The following FGF18 variants were observed in gnomAD, a reference collection of about 807,000 sequenced individuals.
FGF18 encodes the protein fibroblast growth factor 18.
Under a neutral mutation model 23.0 loss-of-function variants are expected in FGF18, and 5 were observed. The ratio of observed to expected loss-of-function variants is 0.22; its 90% CI spans 0.11 to 0.46. The LOEUF (loss-of-function observed/expected upper bound fraction) is 0.46. Among genes scored for constraint, FGF18 ranks in the 20% least tolerant of loss-of-function variants. FGF18 has a pLI of 0.99. For synonymous variants in FGF18, 117 were observed against 118.9 expected, an observed-to-expected ratio of 0.98 and a Z score of 0.10; for missense variants, 180 against 291.6, an observed-to-expected ratio of 0.62 and a Z score of 2.79.
intron 2 of FGF18, among the ~76,000 whole-genome samples, chr5:171,421,246 TG>T (rs1772002176): frequency 7.5e-6 from 1 of 133,786 alleles, no homozygotes; most frequent in South Asian, 2.4e-4. Context: ...GAAAAAGGGT[TG>T]GGGGGAGGGA....
At chr5:171,430,776 C>T (rs1352010428) in intron 2 of FGF18, among the ~76,000 whole-genome samples, 4 of 106,602 alleles carry the variant, frequency 3.8e-5, no homozygotes, top group Non-Finnish European at 6.7e-5. Context: ...GCCTGGGCGA[C>T]AGAGCAAGAC....
chr5:171,454,767 C>T (rs978640558), intron 4 of FGF18, among the ~76,000 whole-genome samples: 4 of 152,244 alleles, frequency 2.6e-5, no homozygotes, highest in Non-Finnish European at 5.9e-5. Context: ...GCTGGGCATC[C>T]GTCCGTAACG....
intron 2 of FGF18, among the ~76,000 whole-genome samples, chr5:171,423,849 A>G (rs1359347049): frequency 2.0e-5 from 3 of 147,650 alleles, no homozygotes; most frequent in East Asian, 4.0e-4. Flanking sequence ...GCTAACTGCA[A>G]CCTCTGTCTC....
rs1772577652 is a variant in FGF18 at position 171,456,213 on chromosome 5, G to A, written c.358-326G>A. Among the ~76,000 whole-genome samples, 1 of 152,086 alleles carries A rather than the reference G, an allele frequency of 6.6e-6. No homozygotes were observed. On this transcript the variant is annotated intron_variant, in intron 4 of 4. Transcript: ENST00000274625. The surrounding 1 kb of genome is among the most constrained non-coding windows in gnomAD (Gnocchi z 6.1). ...TCCCCCACTCTTGATATATGATCAG[G>A]GTCCTCATCCTCCTCCATCCCTCAG... is the stretch of plus-strand genomic sequence containing the variant.
At chr5:171,423,169 C>G (rs913133477) in intron 2 of FGF18, among the ~76,000 whole-genome samples, 2 of 152,198 alleles carry the variant, frequency 1.3e-5, no homozygotes, top group African/African-American at 4.8e-5. Context: ...GTGCCAGACA[C>G]TGTCCTGCCC....
chr5:171,437,702 A>C (rs896813996), intron 3 of FGF18, among the ~76,000 whole-genome samples: 61 of 151,980 alleles, frequency 4.0e-4, no homozygotes, highest in Non-Finnish European at 6.5e-4. Flanking sequence ...TGGCTGTGCT[A>C]GGCTGACCCA....
chr5:171,448,025 C>T (rs1340053592), intron 3 of FGF18, among the ~76,000 whole-genome samples: 1 of 152,154 alleles, frequency 6.6e-6, no homozygotes, highest in Non-Finnish European at 1.5e-5. Flanking sequence ...GTGGCCTACC[C>T]AAAGTCACGC....
At position 171,420,238 on chromosome 5, in the gene FGF18, G is replaced by A; in HGVS notation, c.32+7G>A. On this transcript the variant is annotated splice_region_variant and intron_variant, in intron 1 of 4. Transcript: ENST00000274625. ...CCTCCGCCTGCACTTGCCTGTAAGC[G>A]CCCGCGCGCGGGGCTGCCCACCTTG... 3 of 1,578,476 alleles carry A rather than the reference G, an allele frequency of 1.9e-6. No individual in the cohort carries two copies. The highest frequency in any genetic ancestry group is 1.1e-5 in the South Asian group (1 of 87,586).
rs1449175443 is a variant in FGF18 at position 171,449,689 on chromosome 5, C to T, written c.357+436C>T. On this transcript the variant is annotated intron_variant, in intron 4 of 4. Transcript: ENST00000274625. ...CGATCGTTTTAACAATTGCCAGGGG[C>T]TTACCGTCCTGCAGCAGTGACCTCT... is the stretch of plus-strand genomic sequence containing the variant. Among the ~76,000 whole-genome samples, 3 of 152,186 alleles carry T rather than the reference C, an allele frequency of 2.0e-5. No homozygotes were observed. The East Asian group carries it at 5.8e-4, about 29-fold the overall frequency.
intron 4 of FGF18, among the ~76,000 whole-genome samples, chr5:171,454,092 G>C (rs1232199326): frequency 6.6e-6 from 1 of 152,148 alleles, no homozygotes; most frequent in Non-Finnish European, 1.5e-5. Context: ...GGCATGGGGA[G>C]GAGAAATGGG....
Position 171,420,166 on chromosome 5 carries a change from G to T in FGF18, c.-34G>T, listed in dbSNP as rs1041578952. On this transcript the variant is annotated 5_prime_UTR_variant, in exon 1 of 5. Coordinates refer to ENST00000274625, the MANE Select transcript of FGF18 (RefSeq NM_003862.3). ...CGCGCGGAGCGGACATGTGCAGGCT[G>T]GGCTAGGAGCCGCCGCCTCCCTCCC... 2.9e-5 allele frequency: 45 copies of T among 1,532,700 alleles called. No homozygotes were observed. Among genetic ancestry groups the T allele is most frequent in the Non-Finnish European group, 3.8e-5 (43 of 1,144,692 alleles). The allele number at this position is 1,532,700 out of a possible 1,614,324, so 94.9% of individuals were successfully genotyped here. A position where few individuals can be genotyped will look rare whatever the true frequency, so the allele number is the denominator to read the frequency against.
At chr5:171,447,546 T>C (rs1387772824) in intron 3 of FGF18, among the ~76,000 whole-genome samples, 1 of 152,260 alleles carries the variant, frequency 6.6e-6, no homozygotes, top group African/African-American at 2.4e-5. Flanking sequence ...TAAATTCTTG[T>C]TAGATCTTTA....
intron 2 of FGF18, among the ~76,000 whole-genome samples, chr5:171,432,840 C>G (rs1772200714): frequency 6.6e-6 from 1 of 152,214 alleles, no homozygotes; most frequent in African/African-American, 2.4e-5. Flanking sequence ...CCAGATTTCC[C>G]TCACTTTTGG....
intron 2 of FGF18, among the ~76,000 whole-genome samples, chr5:171,430,704 C>T (rs968916006): frequency 1.4e-5 from 2 of 139,492 alleles, no homozygotes; most frequent in African/African-American, 3.0e-5. Context: ...AGGAGAATGG[C>T]GTGAACCCGG....
intron 3 of FGF18, among the ~76,000 whole-genome samples, chr5:171,444,976 C>T (rs1035303421): frequency 1.3e-5 from 2 of 152,036 alleles, no homozygotes; most frequent in Admixed American, 6.6e-5. Context: ...ATAAGAGTTT[C>T]GGAGAAGAGC....
rs142428262 is a variant in FGF18, at chr5:171,451,724, A to T, written c.357+2471A>T. On this transcript the variant is annotated intron_variant, in intron 4 of 4. Coordinates refer to ENST00000274625, the MANE Select transcript of FGF18 (RefSeq NM_003862.3). This position sits in a 1 kb window ranked among gnomAD's most constrained non-coding sequence, Gnocchi z 4.5. Reference sequence around the variant, plus strand: ...GGCCCTGGGGAGCCTCCCCGGGCACATGGATTCCTTATGCTCCAGATGCGT... The same window carrying T: ...GGCCCTGGGGAGCCTCCCCGGGCACTTGGATTCCTTATGCTCCAGATGCGT... Among the ~76,000 whole-genome samples, 59 of 152,102 alleles carry T rather than the reference A, an allele frequency of 3.9e-4. No homozygotes were observed. Among genetic ancestry groups the T allele is most frequent in the African/African-American group, 1.3e-3 (54 of 41,524 alleles).
Position 171,436,424 on chromosome 5 carries a change from A to G in FGF18, c.250+151A>G, listed in dbSNP as rs1293143560. The G allele has an allele frequency of 4.1e-5, 22 of 534,120 alleles. No individual in the cohort carries two copies. Among genetic ancestry groups the G allele is most frequent in the Non-Finnish European group, 5.9e-5 (19 of 320,930 alleles). The allele number at this position is 534,120 out of a possible 1,614,324, so 33.1% of individuals were successfully genotyped here. ...CCTTTCTGGGTCTGTTTCCTGATCTATAAAATGGGGATGCAATAGTGAATC... is the reference window on the plus strand; with the variant it reads ...CCTTTCTGGGTCTGTTTCCTGATCTGTAAAATGGGGATGCAATAGTGAATC... On this transcript the variant is annotated intron_variant, in intron 3 of 4. Transcript: ENST00000274625. The surrounding 1 kb of genome is among the most constrained non-coding windows in gnomAD (Gnocchi z 4.4).
Position 171,451,450 on chromosome 5 carries a change from C to T in FGF18, c.357+2197C>T, listed in dbSNP as rs1045254227. ...CCACAGCCTCCCTGCCCAGTCGTAC[C>T]TTAGGCCCTGGGTGTCCCCTCCTGC... On this transcript the variant is annotated intron_variant, in intron 4 of 4. Coordinates refer to ENST00000274625, the MANE Select transcript of FGF18 (RefSeq NM_003862.3). The surrounding 1 kb of genome is among the most constrained non-coding windows in gnomAD (Gnocchi z 4.5). 6.6e-6 allele frequency among the ~76,000 whole-genome samples: 1 copy of T among 152,214 alleles called. No individual in the cohort carries two copies. The highest frequency in any genetic ancestry group is 1.5e-5 in the Non-Finnish European group (1 of 68,026).
rs1318782362 is a variant in FGF18 at position 171,440,408 on chromosome 5, C to T, written c.250+4135C>T. Among the ~76,000 whole-genome samples the T allele has an allele frequency of 6.6e-6, 1 of 152,072 alleles. No homozygotes were observed. The highest frequency in any genetic ancestry group is 1.9e-4 in the East Asian group (1 of 5,192). On this transcript the variant is annotated intron_variant, in intron 3 of 4. Transcript: ENST00000274625. The surrounding 1 kb of genome is among the most constrained non-coding windows in gnomAD (Gnocchi z 4.0). ...GATTCCCAGCAGCAAGGTCTCTGCC[C>T]CAGTGAGGGAGGAGGGCCTTTGGCT...
Sources: gnomAD v4.1 joint callset for allele counts (sites outside exome capture counted in the v4.1 genomes callset) on GRCh38, gnomAD v4.1.1 for gene constraint, Gnocchi (gnomAD v3.1) non-coding constraint, MANE v1.5 for transcripts, NCBI Gene and HGNC (gene_info 2026-07-23, HGNC 2026-07-21) for gene names.